The following SLC24A2 variants were observed in gnomAD, a reference collection of about 807,000 sequenced individuals.
The protein encoded by SLC24A2 is solute carrier family 24 member 2.
In SLC24A2, 36 loss-of-function variants were observed where a neutral mutation model predicts 62.0. The observed-to-expected ratio is 0.58, with a 90% CI of 0.44 to 0.77. SLC24A2 has a LOEUF of 0.77. Among genes scored for constraint, SLC24A2 ranks in the 30% least tolerant of loss-of-function variants. The pLI is 0.00. For missense variants in SLC24A2, 846 were observed against 817.9 expected, an observed-to-expected ratio of 1.03 and a Z score of -0.42; for synonymous variants, 358 against 294.0, an observed-to-expected ratio of 1.22 and a Z score of -2.23.
At chr9:19,729,992 C>T (rs1295009520) in intron 2 of SLC24A2, among the ~76,000 whole-genome samples, 1 of 151,860 alleles carries the variant, frequency 6.6e-6, no homozygotes, top group South Asian at 2.1e-4. Flanking sequence ...TGAATATGTA[C>T]CATTATCATT....
the SLC24A2 span, among the ~76,000 whole-genome samples, chr9:20,166,581 A>G: frequency 4.6e-5 from 7 of 152,126 alleles, no homozygotes; most frequent in Admixed American, 4.6e-4. Context: ...CCTCTTATGT[A>G]AGAAAGAAAA....
the SLC24A2 span, among the ~76,000 whole-genome samples, chr9:19,905,647 A>G: frequency 0.01 from 1,595 of 152,114 alleles, 20 homozygotes; most frequent in African/African-American, 0.037. Context: ...TCCCAACCTC[A>G]GCCTCCCAAA....
the SLC24A2 span, among the ~76,000 whole-genome samples, chr9:20,272,445 G>A: frequency 1.3e-5 from 2 of 152,136 alleles, no homozygotes; most frequent in African/African-American, 4.8e-5. Flanking sequence ...CTCCACAAAT[G>A]TAAGCTGAGT....
At chr9:20,019,253 G>GAGAAAGAAAGAGAGAGAGAAAGAAAGAA in the SLC24A2 span, among the ~76,000 whole-genome samples, 1 of 109,638 alleles carries the variant, frequency 9.1e-6, no homozygotes, top group Non-Finnish European at 1.9e-5. Flanking sequence ...AAGAAGGAAA[G>GAGAAAGAAAGAGAGAGAGAAAGAAAGAA]AGAAAGAAAG....
At chr9:20,261,974 G>A in the SLC24A2 span, among the ~76,000 whole-genome samples, 37 of 152,082 alleles carry the variant, frequency 2.4e-4, no homozygotes, top group Admixed American at 1.6e-3. Flanking sequence ...TCCTGACCTC[G>A]TGATCCGCCT....
intron 2 of SLC24A2, among the ~76,000 whole-genome samples, chr9:19,681,034 C>A (rs976405200): frequency 3.9e-5 from 6 of 152,032 alleles, no homozygotes; most frequent in Non-Finnish European, 8.8e-5. Flanking sequence ...AGTGACCCTG[C>A]ACAAAATGTT....
intron 2 of SLC24A2, among the ~76,000 whole-genome samples, chr9:19,769,465 T>A (rs1822618913): frequency 6.6e-6 from 1 of 152,234 alleles, no homozygotes; most frequent in Non-Finnish European, 1.5e-5. Flanking sequence ...ACAGTGAACA[T>A]GAGTCAGACT....
intron 2 of SLC24A2, among the ~76,000 whole-genome samples, chr9:19,631,767 T>C (rs191856705): frequency 6.6e-6 from 1 of 152,298 alleles, no homozygotes; most frequent in East Asian, 1.9e-4. Context: ...CGGAAACCAT[T>C]TGACTAATAC....
At chr9:19,982,137 T>C in the SLC24A2 span, among the ~76,000 whole-genome samples, 2 of 152,104 alleles carry the variant, frequency 1.3e-5, no homozygotes, top group African/African-American at 4.8e-5. Flanking sequence ...GAGGAGGTGA[T>C]ACTTGAGGAA....
chr9:19,968,885 A>T, the SLC24A2 span, among the ~76,000 whole-genome samples: 1 of 152,212 alleles, frequency 6.6e-6, no homozygotes, highest in African/African-American at 2.4e-5. Flanking sequence ...GGAGAAAAGA[A>T]ATACTTGGGA....
intron 8 of SLC24A2, among the ~76,000 whole-genome samples, chr9:19,541,671 C>G (rs1586921685): frequency 6.7e-6 from 1 of 148,450 alleles, no homozygotes; most frequent in African/African-American, 2.5e-5. Context: ...TTGTCTGTGC[C>G]CTGCCCCCAG....
chr9:20,215,228 C>T, the SLC24A2 span, among the ~76,000 whole-genome samples: 3 of 152,082 alleles, frequency 2.0e-5, no homozygotes, highest in Non-Finnish European at 4.4e-5. Context: ...GACTCTACTC[C>T]CAATCATGAA....
At chr9:20,239,988 T>A in the SLC24A2 span, among the ~76,000 whole-genome samples, 1 of 151,844 alleles carries the variant, frequency 6.6e-6, no homozygotes, top group African/African-American at 2.4e-5. Flanking sequence ...CCCTGTCTAG[T>A]GGTAACCATC....
At chr9:19,934,369 G>A in the SLC24A2 span, among the ~76,000 whole-genome samples, 2 of 152,192 alleles carry the variant, frequency 1.3e-5, no homozygotes, top group Non-Finnish European at 1.5e-5. This position sits in a 1 kb window ranked among gnomAD's most constrained non-coding sequence, Gnocchi z 4.1. Context: ...GTTTTCCAAA[G>A]CGGCCTCCAT....
chr9:20,224,970 T>G, the SLC24A2 span, among the ~76,000 whole-genome samples: 3 of 152,034 alleles, frequency 2.0e-5, 1 homozygote, highest in South Asian at 4.1e-4. Context: ...ATAAGAGGTA[T>G]GAAAGTCAGG....
At chr9:19,875,027 A>T in the SLC24A2 span, among the ~76,000 whole-genome samples, 1 of 151,528 alleles carries the variant, frequency 6.6e-6, no homozygotes, top group African/African-American at 2.4e-5. Flanking sequence ...AGCTCAGCCA[A>T]AAGTTTTTGC....
At chr9:19,881,888 C>A in the SLC24A2 span, among the ~76,000 whole-genome samples, 1 of 152,140 alleles carries the variant, frequency 6.6e-6, no homozygotes, top group Non-Finnish European at 1.5e-5. Flanking sequence ...TGTCCCATCC[C>A]CTGCTTTCTT....
intron 2 of SLC24A2, among the ~76,000 whole-genome samples, chr9:19,785,394 A>G (rs1025600581): frequency 7.2e-5 from 11 of 152,236 alleles, no homozygotes; most frequent in Non-Finnish European, 1.6e-4. Context: ...GACCTAAGAC[A>G]TGATTGTGTC....
chr9:19,709,108 A>T (rs1490891405), intron 2 of SLC24A2, among the ~76,000 whole-genome samples: 1 of 152,222 alleles, frequency 6.6e-6, no homozygotes, highest in Non-Finnish European at 1.5e-5. Context: ...ATGAACAGAC[A>T]CTTCTCAAAA....
Sources: allele counts gnomAD v4.1 joint callset (sites outside exome capture counted in the v4.1 genomes callset), GRCh38; gene constraint gnomAD v4.1.1; non-coding constraint Gnocchi (gnomAD v3.1); transcripts MANE v1.5; gene names NCBI Gene and HGNC (gene_info 2026-07-23, HGNC 2026-07-21).